FARP1: variants seen among roughly 807,000 people sequenced by gnomAD.
The protein encoded by FARP1 is FERM, ARH/RhoGEF and pleckstrin domain protein 1.
A neutral mutation model predicts 128.8 loss-of-function variants in FARP1; 52 were observed. The ratio of observed to expected loss-of-function variants is 0.40; its 90% confidence interval spans 0.32 to 0.51. The LOEUF is 0.51. Ranked by LOEUF, FARP1 falls within the 20% of genes least tolerant of loss-of-function variation. FARP1 has a pLI of 0.45. For synonymous variants in FARP1, 580 were observed against 551.8 expected, an observed-to-expected ratio of 1.05 and a Z score of -0.72; for missense variants, 1,333 against 1,367.9, an observed-to-expected ratio of 0.97 and a Z score of 0.40.
intron 13 of FARP1, chr13:98,400,570 A>T (rs756473485): frequency 6.6e-6 from 1 of 152,198 alleles, no homozygotes; most frequent in Non-Finnish European, 1.5e-5. Flanking sequence ...TAAATTAACA[A>T]ATCTGGGTTC....
At chr13:98,246,883 A>G (rs1883096820) in intron 2 of FARP1, among the ~76,000 whole-genome samples, 1 of 152,208 alleles carries the variant, frequency 6.6e-6, no homozygotes. Context: ...CTTCCTGCAT[A>G]CAACCGTCTA....
In FARP1 at chr13:98,332,484, C is replaced by T. The variant is rs1360429805; in HGVS notation, c.172-11278C>T. On this transcript the variant is annotated intron_variant, in intron 2 of 26. Transcript: ENST00000319562. The stretch of plus-strand genomic sequence containing the variant: ...TCCCGTGGTTAACAGAATATTAAAC[C>T]TGAAAAGTACATTTTAAAAAAAGAA... 2.6e-5 allele frequency: 4 copies of T among 152,040 alleles called. No homozygotes were observed. The South Asian group carries it at 6.2e-4, about 24-fold the overall frequency. The allele number at this position is 152,040 out of a possible 1,614,324, so 9.4% of individuals were successfully genotyped here.
chr13:98,287,757 G>A (rs376872533), intron 2 of FARP1, among the ~76,000 whole-genome samples: 3 of 148,140 alleles, frequency 2.0e-5, no homozygotes, highest in East Asian at 2.0e-4. Flanking sequence ...GTGCTGTGCC[G>A]TTTGACAGCT....
At position 98,453,821 on chromosome 13, in the gene FARP1, T is replaced by C. The variant is rs1345261601; in HGVS notation, c.*5504T>C. The stretch of plus-strand genomic sequence containing the variant: ...TGGTAATTATCTGTATTTACATATA[T>C]ATATTAAAGCAATATTAAAAATATG... On this transcript the variant is annotated 3_prime_UTR_variant, in exon 27 of 27. Coordinates refer to ENST00000319562, the MANE Select transcript of FARP1 (RefSeq NM_005766.4). 6.6e-6 allele frequency: 1 copy of C among 152,260 alleles called. No homozygotes were observed. The highest frequency in any genetic ancestry group is 6.5e-5 in the Admixed American group (1 of 15,282). The allele number at this position is 152,260 out of a possible 1,614,324, so 9.4% of individuals were successfully genotyped here. A position where few individuals can be genotyped will look rare whatever the true frequency, so the allele number is the denominator to read the frequency against.
chr13:98,388,428 C>A lies in FARP1; in HGVS notation c.805C>A (p.Leu269Met). 1 of 1,614,128 alleles carries A rather than the reference C, an allele frequency of 6.2e-7. No individual in the cohort carries two copies. Among genetic ancestry groups the A allele is most frequent in the South Asian group, 1.1e-5 (1 of 91,082 alleles). ...NAFNWAKVRK[L>M]SFKRKRFLIK... is the part of the protein sequence containing the mutation. ...CTTCAACTGGGCCAAGGTGCGGAAG[C>A]TGAGCTTCAAGAGGAAGCGCTTTCT... Residue 269 changes from leucine (L) to methionine (M), a missense_variant, in exon 9 of 27, where the codon CTG becomes ATG. By Grantham distance (15) the Leu-to-Met change is conservative. Transcript: ENST00000319562.
chr13:98,290,903 G>A (rs1261658139), intron 2 of FARP1, among the ~76,000 whole-genome samples: 3 of 152,190 alleles, frequency 2.0e-5, no homozygotes, highest in Non-Finnish European at 4.4e-5. Flanking sequence ...CACATGAAAA[G>A]AACATTAGCC....
At chr13:98,424,021 CACCTTAGGT>C (rs1222424837) in intron 16 of FARP1, among the ~76,000 whole-genome samples, 1 of 152,170 alleles carries the variant, frequency 6.6e-6, no homozygotes, top group East Asian at 1.9e-4. Flanking sequence ...ACGTCACTCC[CACCTTAGGT>C]ACCATCTCCT....
intron 5 of FARP1, 124 bp downstream of exon 5, chr13:98,368,319 T>G (rs1444274645): frequency 6.1e-5 from 43 of 700,964 alleles, no homozygotes; most frequent in Non-Finnish European, 1.7e-5. Context: ...TGTTCTGTAC[T>G]GAACAGTTTA....
At chr13:98,223,886 G>T (rs1469282253) in intron 2 of FARP1, among the ~76,000 whole-genome samples, 1 of 152,212 alleles carries the variant, frequency 6.6e-6, no homozygotes, top group African/African-American at 2.4e-5. Flanking sequence ...TGTTTTCAAA[G>T]GACTCTGTTC....
At chr13:98,175,734 T>C (rs1479834714) in intron 1 of FARP1, 1 of 165,782 alleles carries the variant, frequency 6.0e-6, no homozygotes, top group African/African-American at 2.4e-5. Flanking sequence ...TTTATGTAAT[T>C]TTGACAACTC....
At chr13:98,351,950 C>G (rs1594435014) in intron 3 of FARP1, among the ~76,000 whole-genome samples, 2 of 151,976 alleles carry the variant, frequency 1.3e-5, no homozygotes, top group African/African-American at 4.8e-5. Flanking sequence ...TTGGAAGGGA[C>G]AAATACCCAA....
chr13:98,193,363 T>C (rs976436895), intron 1 of FARP1, among the ~76,000 whole-genome samples: 5 of 152,212 alleles, frequency 3.3e-5, no homozygotes, highest in African/African-American at 1.2e-4. Context: ...GCCAAGACTC[T>C]TCTTACATAT....
chr13:98,297,551 G>A (rs1328279389), intron 2 of FARP1, among the ~76,000 whole-genome samples: 3 of 152,194 alleles, frequency 2.0e-5, no homozygotes, highest in African/African-American at 7.2e-5. Context: ...CTGTAGGTAC[G>A]ATAATTTTAA....
chr13:98,195,149 AACAGT>A (rs751683558), intron 1 of FARP1, among the ~76,000 whole-genome samples: 1 of 152,204 alleles, frequency 6.6e-6, no homozygotes, highest in Non-Finnish European at 1.5e-5. Flanking sequence ...TGTATTTCTC[AACAGT>A]TACAGGAATA....
intron 2 of FARP1, among the ~76,000 whole-genome samples, chr13:98,265,635 A>G (rs1490166538): frequency 6.6e-6 from 1 of 152,118 alleles, no homozygotes; most frequent in Non-Finnish European, 1.5e-5. Context: ...GAATTTATAT[A>G]CGACATGTGA....
chr13:98,166,720 CTT>C (rs1877288630), intron 1 of FARP1, among the ~76,000 whole-genome samples: 1 of 135,412 alleles, frequency 7.4e-6, no homozygotes, highest in Non-Finnish European at 1.5e-5. Flanking sequence ...GCCAGTTTTT[CTT>C]TCTTTTTTTT....
chr13:98,241,954 A>C (rs539357835), intron 2 of FARP1, among the ~76,000 whole-genome samples: 1 of 152,158 alleles, frequency 6.6e-6, no homozygotes, highest in East Asian at 1.9e-4. Flanking sequence ...AAACTTAAAA[A>C]ATTAACCAGG....
At position 98,393,627 on chromosome 13, in the gene FARP1, G is replaced by T. The variant is rs1316944314; in HGVS notation, c.1089-16G>T. On this transcript the variant is annotated splice_polypyrimidine_tract_variant and intron_variant, in intron 11 of 26. Transcript: ENST00000319562. ...AACCTCACCTAACTTTAATGATCTT[G>T]TGTGATTTTTCCCAGGAAGCACAGC... The T allele has an allele frequency of 6.2e-7, 1 of 1,605,438 alleles. No homozygotes were observed. Among genetic ancestry groups the T allele is most frequent in the African/African-American group, 1.3e-5 (1 of 74,750 alleles).
chr13:98,191,436 C>T (rs1382623179), intron 1 of FARP1, among the ~76,000 whole-genome samples: 1 of 152,124 alleles, frequency 6.6e-6, no homozygotes, highest in Non-Finnish European at 1.5e-5. Flanking sequence ...GAGAACTCTT[C>T]CACCATGTAA....
Sources: gnomAD v4.1 joint callset for allele counts (sites outside exome capture counted in the v4.1 genomes callset) on GRCh38, gnomAD v4.1.1 for gene constraint, MANE v1.5 for transcripts, NCBI Gene and HGNC (gene_info 2026-07-23, HGNC 2026-07-21) for gene names.